The following CLSTN2 variants were observed in gnomAD, a reference collection of about 807,000 sequenced individuals.
CLSTN2 encodes the protein calsyntenin 2.
A neutral mutation model predicts 101.2 loss-of-function variants in CLSTN2; 48 were observed. That is an observed-to-expected ratio of 0.47 (90% CI 0.38 to 0.60). CLSTN2 has a LOEUF of 0.60. Ranked by LOEUF, CLSTN2 falls within the 20% of genes least tolerant of loss-of-function variation. The pLI is 0.00. For synonymous variants in CLSTN2, 481 were observed against 463.6 expected (o/e 1.04, Z -0.48); for missense variants, 1,160 against 1,238.2 (o/e 0.94, Z 0.95).
At chr3:140,547,197 G>C (rs1935611152) in intron 10 of CLSTN2, among the ~76,000 whole-genome samples, 1 of 152,200 alleles carries the variant, frequency 6.6e-6, no homozygotes, top group African/African-American at 2.4e-5. Flanking sequence ...GGCTGCGCAT[G>C]GTGGCCTGTG....
intron 1 of CLSTN2, among the ~76,000 whole-genome samples, chr3:140,052,046 G>A (rs935102023): frequency 2.0e-5 from 3 of 152,226 alleles, no homozygotes; most frequent in Non-Finnish European, 4.4e-5. Flanking sequence ...ACTTGTTTGA[G>A]ATCAATTGGT....
chr3:140,013,139 G>T (rs1264946736), intron 1 of CLSTN2, among the ~76,000 whole-genome samples: 1 of 152,244 alleles, frequency 6.6e-6, no homozygotes, highest in Non-Finnish European at 1.5e-5. Flanking sequence ...GGAGGATGTG[G>T]TGGGGTCACA....
At chr3:140,124,232 T>G (rs1351775916) in intron 1 of CLSTN2, among the ~76,000 whole-genome samples, 1 of 152,016 alleles carries the variant, frequency 6.6e-6, no homozygotes, top group Admixed American at 6.6e-5. Context: ...GGTTGTTCAG[T>G]GACTGGGGAT....
At chr3:140,318,547 G>C (rs2087251806) in intron 2 of CLSTN2, among the ~76,000 whole-genome samples, 1 of 152,206 alleles carries the variant, frequency 6.6e-6, no homozygotes, top group African/African-American at 2.4e-5. Context: ...CAGGTCTCAG[G>C]CTGTAACCTA....
chr3:139,965,363 A>G (rs1367571790), intron 1 of CLSTN2, among the ~76,000 whole-genome samples: 3 of 152,144 alleles, frequency 2.0e-5, no homozygotes, highest in Non-Finnish European at 4.4e-5. Flanking sequence ...ACTTCTGAGA[A>G]AGTCATGGTT....
At chr3:140,437,050 GT>G (rs11382080) in intron 5 of CLSTN2, among the ~76,000 whole-genome samples, 42 of 135,090 alleles carry the variant, frequency 3.1e-4, no homozygotes, top group Non-Finnish European at 3.4e-4. Flanking sequence ...GGGAGGTTTG[GT>G]TTTTTTTTTT....
chr3:140,478,849 A>AAAGG (rs1367621581), intron 8 of CLSTN2, among the ~76,000 whole-genome samples: 1 of 140,524 alleles, frequency 7.1e-6, no homozygotes, highest in Non-Finnish European at 1.5e-5. Flanking sequence ...AGAGAGGAAG[A>AAAGG]AAGGAAGGAA....
chr3:140,140,408 G>C (rs888394200), intron 1 of CLSTN2, among the ~76,000 whole-genome samples: 2 of 152,042 alleles, frequency 1.3e-5, no homozygotes, highest in Non-Finnish European at 2.9e-5. Context: ...TGATGAGAGA[G>C]AGAGAGAGAG....
rs147128664 is a variant in CLSTN2 at position 139,979,880 on chromosome 3, T to C, written c.109+44397T>C. 1.1e-3 allele frequency among the ~76,000 whole-genome samples: 169 copies of C among 152,174 alleles called. 2 individuals carry two copies. Among genetic ancestry groups the C allele is most frequent in the African/African-American group, 4.0e-3 (168 of 41,560 alleles). On this transcript the variant is annotated intron_variant, in intron 1 of 16. Transcript: ENST00000458420. ...ACGACCCTTCTTCCCCCTCGCCTAG[T>C]GTTCCCTATTTCAGCAAATGGCATT...
chr3:140,315,656 G>T (rs1372385880), intron 2 of CLSTN2, among the ~76,000 whole-genome samples: 1 of 152,194 alleles, frequency 6.6e-6, no homozygotes, highest in East Asian at 1.9e-4. Context: ...AAAAGGTTCA[G>T]GTGTCCTAGA....
intron 1 of CLSTN2, among the ~76,000 whole-genome samples, chr3:139,980,888 T>A (rs1364854764): frequency 6.6e-6 from 1 of 152,154 alleles, no homozygotes; most frequent in Non-Finnish European, 1.5e-5. Context: ...GAGAGCTATG[T>A]GACCACAAAA....
rs1935114627 is a variant in CLSTN2, at chr3:139,940,866, A to G, written c.109+5383A>G. ...TCAGCAATATTTGCTATCTAAGTAA[A>G]TAAACAAGCCTGTCTCCATGTGCTA... is the stretch of plus-strand genomic sequence containing the variant. On this transcript the variant is annotated intron_variant, in intron 1 of 16. Transcript: ENST00000458420. Among the ~76,000 whole-genome samples the G allele has an allele frequency of 2.0e-5, 3 of 152,058 alleles. No individual in the cohort carries two copies. In the South Asian group the frequency reaches 6.2e-4, roughly 32 times the overall value.
At chr3:139,949,208 C>A (rs1012825590) in intron 1 of CLSTN2, among the ~76,000 whole-genome samples, 3 of 152,172 alleles carry the variant, frequency 2.0e-5, no homozygotes, top group Admixed American at 6.5e-5. Flanking sequence ...CACCTATCTG[C>A]GCCTCACTAG....
In CLSTN2 at chr3:140,338,070, T is replaced by C. The variant is rs145729031; in HGVS notation, c.233-65559T>C. On this transcript the variant is annotated intron_variant, in intron 2 of 16. Coordinates refer to ENST00000458420, the MANE Select transcript of CLSTN2 (RefSeq NM_022131.3). Reference sequence around the variant, plus strand: ...TGAAAATGCTAATTTCTAGGCTTTTTCCCTCAGAGTATATCTGAGTTGGGC... The same window carrying C: ...TGAAAATGCTAATTTCTAGGCTTTTCCCCTCAGAGTATATCTGAGTTGGGC... Among the ~76,000 whole-genome samples, 10 of 152,254 alleles carry C rather than the reference T, an allele frequency of 6.6e-5. No individual in the cohort carries two copies. In the East Asian group the frequency reaches 1.7e-3, roughly 26 times the overall value.
chr3:140,543,169 C>T (rs764859964), intron 9 of CLSTN2, among the ~76,000 whole-genome samples: 1 of 152,156 alleles, frequency 6.6e-6, no homozygotes, highest in Non-Finnish European at 1.5e-5. Context: ...ATTTGCTGCT[C>T]CACGGAGGAG....
intron 2 of CLSTN2, among the ~76,000 whole-genome samples, chr3:140,210,365 G>A (rs936099967): frequency 1.3e-5 from 2 of 152,220 alleles, no homozygotes; most frequent in African/African-American, 4.8e-5. Flanking sequence ...CTTGATAGAA[G>A]CAGCAGTAGC....
At chr3:140,150,676 A>G (rs2009850231) in intron 1 of CLSTN2, among the ~76,000 whole-genome samples, 1 of 152,188 alleles carries the variant, frequency 6.6e-6, no homozygotes, top group Non-Finnish European at 1.5e-5. Context: ...TAGAGCATCC[A>G]GAGGTGTGTT....
intron 1 of CLSTN2, among the ~76,000 whole-genome samples, chr3:140,060,022 C>G (rs1156511807): frequency 6.6e-6 from 1 of 152,178 alleles, no homozygotes; most frequent in African/African-American, 2.4e-5. Context: ...CTTAATCTCT[C>G]TGGGCCTCAG....
chr3:140,112,627 G>A lies in CLSTN2; in HGVS notation c.110-63324G>A, dbSNP rs562357464. 3.8e-4 allele frequency among the ~76,000 whole-genome samples: 58 copies of A among 152,112 alleles called. 1 individual carries two copies. Among genetic ancestry groups the A allele is most frequent in the Admixed American group, 9.2e-4 (14 of 15,276 alleles). ...ATGGGTGAATCTGAAGGCTTGAGTCGCTCTAACCTCTGGCTTCTTATGGGT... is the reference window on the plus strand; with the variant it reads ...ATGGGTGAATCTGAAGGCTTGAGTCACTCTAACCTCTGGCTTCTTATGGGT... On this transcript the variant is annotated intron_variant, in intron 1 of 16. Transcript: ENST00000458420.
Sources: allele counts gnomAD v4.1 joint callset (sites outside exome capture counted in the v4.1 genomes callset), GRCh38; gene constraint gnomAD v4.1.1; transcripts MANE v1.5; gene names NCBI Gene and HGNC (gene_info 2026-07-23, HGNC 2026-07-21).